MGAT4C: variants seen among roughly 807,000 people sequenced by gnomAD.
The protein encoded by MGAT4C is MGAT4 family member C.
MGAT4C carries 19 observed loss-of-function variants against 40.1 expected under a neutral mutation model. The ratio of observed to expected loss-of-function variants is 0.47; its 90% CI spans 0.33 to 0.70. The LOEUF is 0.70. Among genes scored for constraint, MGAT4C ranks in the 30% least tolerant of loss-of-function variants. The pLI is 0.02. For synonymous variants in MGAT4C, 181 were observed against 187.1 expected (o/e 0.97, Z 0.27); for missense variants, 491 against 563.2 (o/e 0.87, Z 1.30).
At chr12:86,831,548 G>A (rs1022611404) in intron 1 of MGAT4C, among the ~76,000 whole-genome samples, 4 of 151,684 alleles carry the variant, frequency 2.6e-5, no homozygotes, top group Non-Finnish European at 5.9e-5. Flanking sequence ...CTACTCATAT[G>A]AACATAAAAT....
At chr12:86,520,216 C>G (rs922517029) in intron 2 of MGAT4C, among the ~76,000 whole-genome samples, 6 of 152,122 alleles carry the variant, frequency 3.9e-5, no homozygotes, top group Admixed American at 3.9e-4. Context: ...TCCTCTCCCT[C>G]CTCCTGTCAT....
intron 1 of MGAT4C, among the ~76,000 whole-genome samples, chr12:86,095,857 T>C (rs550210344): frequency 6.2e-4 from 94 of 151,910 alleles, no homozygotes; most frequent in Non-Finnish European, 8.7e-4. Flanking sequence ...CCATTTTATA[T>C]TGACTATTAC....
rs923093574 is a variant in MGAT4C at position 86,175,747 on chromosome 12, T to A, written c.-57+80492A>T. Among the ~76,000 whole-genome samples, 11 of 135,354 alleles carry A rather than the reference T, an allele frequency of 8.1e-5. No individual in the cohort carries two copies. In the Admixed American group the frequency reaches 9.4e-4, roughly 12 times the overall value. 88.8% of individuals were successfully genotyped at this position (135,354 alleles called of 152,430 possible). On this transcript the variant is annotated intron_variant, in intron 1 of 4. Coordinates refer to ENST00000611864, the MANE Select transcript of MGAT4C (RefSeq NM_001351288.2). ...CGGGCGGATCACGAGGTTAGGAGAT[T>A]GAGACCATCCTGGCTAACATGGTGA...
intron 1 of MGAT4C, among the ~76,000 whole-genome samples, chr12:86,096,035 T>A (rs969494410): frequency 6.6e-6 from 1 of 151,872 alleles, no homozygotes; most frequent in East Asian, 1.9e-4. Flanking sequence ...TTGAATCAAC[T>A]TTGGCTAGTT....
chr12:86,617,543 C>G (rs1243323235), intron 2 of MGAT4C, among the ~76,000 whole-genome samples: 1 of 152,064 alleles, frequency 6.6e-6, no homozygotes, highest in African/African-American at 2.4e-5. Context: ...AAAAAATTAG[C>G]CAGGCGTGGT....
At chr12:86,074,806 A>G (rs1592860047) in intron 1 of MGAT4C, among the ~76,000 whole-genome samples, 1 of 139,004 alleles carries the variant, frequency 7.2e-6, no homozygotes, top group Non-Finnish European at 1.5e-5. Context: ...TTCCCTTATA[A>G]AAGCATCAGA....
Position 86,049,660 on chromosome 12 carries a change from A to C in MGAT4C, c.-7+14T>G. 1 of 977,502 alleles carries C rather than the reference A, an allele frequency of 1.0e-6. No individual in the cohort carries two copies. Among genetic ancestry groups the C allele is most frequent in the Non-Finnish European group, 1.2e-6 (1 of 822,434 alleles). The allele number at this position is 977,502 out of a possible 1,614,324, so 60.6% of individuals were successfully genotyped here. A position where few individuals can be genotyped will look rare whatever the true frequency, so the allele number is the denominator to read the frequency against. On this transcript the variant is annotated intron_variant, in intron 2 of 4. Coordinates refer to ENST00000611864, the MANE Select transcript of MGAT4C (RefSeq NM_001351288.2). ...GTACCTTAGAATACTACCATGAATG[A>C]CATAGAATCTCACCTTAAGAAAGAC... is the stretch of plus-strand genomic sequence containing the variant.
intron 1 of MGAT4C, among the ~76,000 whole-genome samples, chr12:86,104,312 C>G (rs572074500): frequency 1.3e-5 from 2 of 151,272 alleles, no homozygotes; most frequent in South Asian, 2.1e-4. Flanking sequence ...TGGTGACTCA[C>G]GCCTGTAGTC....
chr12:86,837,163 GA>G, intron 1 of MGAT4C, among the ~76,000 whole-genome samples: 1 of 152,162 alleles, frequency 6.6e-6, no homozygotes, highest in African/African-American at 2.4e-5. Context: ...TGAGTGGAGG[GA>G]AAAGGTTCCA....
chr12:86,466,841 C>T (rs1957689142), intron 2 of MGAT4C, among the ~76,000 whole-genome samples: 1 of 152,068 alleles, frequency 6.6e-6, no homozygotes, highest in Non-Finnish European at 1.5e-5. Flanking sequence ...TAATCTAAAA[C>T]ATTTTCTTAA....
At chr12:86,240,035 A>AT (rs1284101979) in intron 1 of MGAT4C, among the ~76,000 whole-genome samples, 4 of 32,780 alleles carry the variant, frequency 1.2e-4, no homozygotes, top group Non-Finnish European at 2.2e-4. Context: ...ATAAAAAAAA[A>AT]AAATAAAAAA....
At chr12:86,208,606 G>A (rs756044595) in intron 1 of MGAT4C, among the ~76,000 whole-genome samples, 2 of 152,096 alleles carry the variant, frequency 1.3e-5, no homozygotes, top group Non-Finnish European at 2.9e-5. Flanking sequence ...AACTCAGCAG[G>A]GCTGGGTTGA....
At chr12:86,568,563 T>TAC (rs962014489) in intron 2 of MGAT4C, among the ~76,000 whole-genome samples, 1 of 150,044 alleles carries the variant, frequency 6.7e-6, no homozygotes, top group Non-Finnish European at 1.5e-5. Context: ...TATATATATA[T>TAC]ATATCCTGTT....
At chr12:86,015,206 G>A (rs536758340) in intron 2 of MGAT4C, among the ~76,000 whole-genome samples, 2 of 151,224 alleles carry the variant, frequency 1.3e-5, no homozygotes, top group South Asian at 4.2e-4. Context: ...TAATAATAAG[G>A]TTGGTGCAAA....
intron 2 of MGAT4C, among the ~76,000 whole-genome samples, chr12:86,526,558 A>C (rs2136367038): frequency 6.6e-6 from 1 of 152,160 alleles, no homozygotes; most frequent in Middle Eastern, 3.4e-3. Flanking sequence ...AGGGAACCCA[A>C]GGCTGCCCTG....
In MGAT4C at chr12:85,970,301, A is replaced by G. The variant is rs999464430; in HGVS notation, c.*8988T>C. 1 of 151,336 alleles carries G rather than the reference A, an allele frequency of 6.6e-6. No individual in the cohort carries two copies. The highest frequency in any genetic ancestry group is 2.4e-5 in the African/African-American group (1 of 41,370). 9.4% of individuals were successfully genotyped at this position (151,336 alleles called of 1,614,324 possible). A position where few individuals can be genotyped will look rare whatever the true frequency, so the allele number is the denominator to read the frequency against. The stretch of plus-strand genomic sequence containing the variant: ...TATTCTTATTTAGTCTAGTAGATTG[A>G]CAGGCAGTTTTATTAAGAAATGAAT... On this transcript the variant is annotated 3_prime_UTR_variant, in exon 5 of 5. Coordinates refer to ENST00000611864, the MANE Select transcript of MGAT4C (RefSeq NM_001351288.2).
intron 1 of MGAT4C, among the ~76,000 whole-genome samples, chr12:86,235,596 A>G (rs1014178323): frequency 6.6e-6 from 1 of 151,696 alleles, no homozygotes; most frequent in African/African-American, 2.4e-5. Flanking sequence ...TGTTCTCTCT[A>G]TCTCTGAGTG....
At chr12:86,838,519 C>T (rs1034308707) in intron 1 of MGAT4C, 1 of 152,098 alleles carries the variant, frequency 6.6e-6, no homozygotes, top group Admixed American at 6.6e-5. Flanking sequence ...ATTATTTCAC[C>T]TATAAACATG....
chr12:86,743,332 A>T (rs903648222), intron 1 of MGAT4C, among the ~76,000 whole-genome samples: 4 of 151,620 alleles, frequency 2.6e-5, no homozygotes, highest in African/African-American at 9.7e-5. Flanking sequence ...ATTCTCAATT[A>T]TATATTGTTG....
Sources: gnomAD v4.1 joint callset for allele counts (sites outside exome capture counted in the v4.1 genomes callset) on GRCh38, gnomAD v4.1.1 for gene constraint, MANE v1.5 for transcripts, NCBI Gene and HGNC (gene_info 2026-07-23, HGNC 2026-07-21) for gene names.